The following RERE variants were observed in gnomAD, a reference collection of about 807,000 sequenced individuals.
RERE encodes the protein arginine-glutamic acid dipeptide repeats protein.
In RERE, 40 loss-of-function variants were observed where a neutral mutation model predicts 146.1. The ratio of observed to expected loss-of-function variants is 0.27; its 90% confidence interval spans 0.21 to 0.36. RERE has a LOEUF of 0.36. Among genes scored for constraint, RERE ranks in the 10% least tolerant of loss-of-function variants. RERE has a pLI of 1.00. For missense variants in RERE, 1,933 were observed against 2,138.7 expected, an observed-to-expected ratio of 0.90 and a Z score of 1.90; for synonymous variants, 1,003 against 866.0, an observed-to-expected ratio of 1.16 and a Z score of -2.78.
chr1:8,518,488 G>A (rs1645449825), intron 7 of RERE, among the ~76,000 whole-genome samples: 1 of 152,198 alleles, frequency 6.6e-6, no homozygotes, highest in Non-Finnish European at 1.5e-5. Flanking sequence ...GACTGACATG[G>A]CATCAACAGA....
intron 13 of RERE, among the ~76,000 whole-genome samples, chr1:8,365,198 C>T (rs1411676692): frequency 1.4e-4 from 21 of 152,222 alleles, no homozygotes; most frequent in Admixed American, 1.1e-3. Context: ...CTTCACCGAG[C>T]GCCCCCAACC....
At chr1:8,603,262 G>C (rs1646656187) in intron 4 of RERE, among the ~76,000 whole-genome samples, 1 of 152,248 alleles carries the variant, frequency 6.6e-6, no homozygotes. Context: ...AAATAAACAA[G>C]ATGGCCTCAA....
chr1:8,377,779 C>T (rs892652590), intron 12 of RERE, among the ~76,000 whole-genome samples: 3 of 151,926 alleles, frequency 2.0e-5, no homozygotes, highest in Admixed American at 6.6e-5. Flanking sequence ...GGGAGCGGGA[C>T]GAACGATGAA....
intron 11 of RERE, among the ~76,000 whole-genome samples, chr1:8,455,291 G>A (rs1644441178): frequency 6.6e-6 from 1 of 151,998 alleles, no homozygotes; most frequent in South Asian, 2.1e-4. Flanking sequence ...ACCCAGGCTG[G>A]AGTGCAGTGG....
In RERE at chr1:8,364,384, CAACA is replaced by C. The variant is rs1167185025; in HGVS notation, c.1541-133_1541-130del. The C allele has an allele frequency of 3.7e-6, 3 of 809,204 alleles. No individual in the cohort carries two copies. In the Admixed American group the frequency reaches 6.2e-5, roughly 17 times the overall value. The allele number at this position is 809,204 out of a possible 1,614,324, so 50.1% of individuals were successfully genotyped here. On this transcript the variant is annotated intron_variant, in intron 14 of 22. Transcript: ENST00000400908. This position sits in a 1 kb window ranked among gnomAD's most constrained non-coding sequence, Gnocchi z 5.1. ...ACCAGCACCATGCAGCCCTGGGCCC[CAACA>C]CCCCAGGGCTAGTGCTGCCCTGCTC...
At chr1:8,429,050 A>ATT (rs1644057066) in intron 11 of RERE, among the ~76,000 whole-genome samples, 3 of 152,196 alleles carry the variant, frequency 2.0e-5, no homozygotes, top group Non-Finnish European at 4.4e-5. Context: ...TCATGGTATG[A>ATT]GAAAGGCAGG....
At chr1:8,564,868 GTGTATATA>G (rs1324207208) in intron 4 of RERE, among the ~76,000 whole-genome samples, 39 of 124,550 alleles carry the variant, frequency 3.1e-4, no homozygotes, top group African/African-American at 1.4e-3. Flanking sequence ...GTGTGTGTGT[GTGTATATA>G]TATATATAAA....
intron 12 of RERE, among the ~76,000 whole-genome samples, chr1:8,383,257 G>A (rs1642517748): frequency 6.6e-6 from 1 of 151,574 alleles, no homozygotes; most frequent in Non-Finnish European, 1.5e-5. Context: ...ACAGCCCACT[G>A]AGGCCACCTA....
chr1:8,687,209 T>C (rs866235792), intron 1 of RERE, among the ~76,000 whole-genome samples: 55 of 152,098 alleles, frequency 3.6e-4, no homozygotes, highest in Admixed American at 6.5e-4. Flanking sequence ...AGACAGGAAA[T>C]TACTATGTGA....
intron 11 of RERE, among the ~76,000 whole-genome samples, chr1:8,431,123 G>A (rs988452410): frequency 2.0e-5 from 3 of 152,098 alleles, no homozygotes; most frequent in Admixed American, 6.6e-5. Flanking sequence ...TTAAGACGGG[G>A]GTCTCCAGTC....
chr1:8,777,300 T>C (rs1641082084), intron 1 of RERE, among the ~76,000 whole-genome samples: 1 of 152,142 alleles, frequency 6.6e-6, no homozygotes, highest in South Asian at 2.1e-4. Context: ...TACTATCAAG[T>C]GTCATCAAAT....
chr1:8,554,512 G>C (rs6577500), intron 6 of RERE, among the ~76,000 whole-genome samples: 123,478 of 151,598 alleles, frequency 0.81, 50,535 homozygotes, highest in East Asian at 0.95. Context: ...GATGGTAAAA[G>C]CTCATCTCTA....
chr1:8,422,794 T>C lies in RERE; in HGVS notation c.1217A>G (p.Lys406Arg), dbSNP rs1412550154. The C allele has an allele frequency of 6.2e-7, 1 of 1,613,596 alleles. No homozygotes were observed. The highest frequency in any genetic ancestry group is 1.7e-5 in the Admixed American group (1 of 60,026). Residue 406 changes from lysine to arginine, a missense_variant, in exon 12 of 23, where the codon AAG becomes AGG. Coordinates refer to ENST00000400908, the MANE Select transcript of RERE (RefSeq NM_001042681.2). Reference sequence around the variant, plus strand: ...GTTCTTCCCGTACTGCCTGAGTCCCTTAACGAAGCGTTTCTGTGATAAAAA... The same window carrying C: ...GTTCTTCCCGTACTGCCTGAGTCCCCTAACGAAGCGTTTCTGTGATAAAAA... ...WTEDEVKRFV[K>R]GLRQYGKNFF...
chr1:8,559,280 C>CAAAAAAAAAAAAAAAAAAAAA lies in RERE; in HGVS notation c.523-1778_523-1758dup, dbSNP rs548075266. Among the ~76,000 whole-genome samples, 57 of 12,066 alleles carry CAAAAAAAAAAAAAAAAAAAAA rather than the reference C, an allele frequency of 4.7e-3. 4 individuals are homozygous for CAAAAAAAAAAAAAAAAAAAAA. Among genetic ancestry groups the CAAAAAAAAAAAAAAAAAAAAA allele is most frequent in the Non-Finnish European group, 6.3e-3 (39 of 6,216 alleles). 7.9% of individuals were successfully genotyped at this position (12,066 alleles called of 152,430 possible). A position where few individuals can be genotyped will look rare whatever the true frequency, so the allele number is the denominator to read the frequency against. ...GGGCAACAAGAGCAAAACTCCAGCT[C>CAAAAAAAAAAAAAAAAAAAAA]AAAAAAAAAAAAAAAAAAAAAAAAC... On this transcript the variant is annotated intron_variant, in intron 4 of 22. Transcript: ENST00000400908.
rs1002241852 is a variant in RERE at position 8,473,330 on chromosome 1, C to T, written c.1105-7307G>A. Among the ~76,000 whole-genome samples, 3 of 152,294 alleles carry T rather than the reference C, an allele frequency of 2.0e-5. No individual in the cohort carries two copies. In the South Asian group the frequency reaches 6.2e-4, roughly 32 times the overall value. ...GGCTGCTCACACCATACTCTCTTTG[C>T]TTCCATTCATTCAACCAAGAGGTAC... On this transcript the variant is annotated intron_variant, in intron 10 of 22. Transcript: ENST00000400908.
chr1:8,788,524 C>T (rs1042675942), intron 1 of RERE, among the ~76,000 whole-genome samples: 6 of 151,962 alleles, frequency 3.9e-5, no homozygotes, highest in African/African-American at 7.2e-5. Flanking sequence ...GCCACCACAC[C>T]CAGCTAATTT....
intron 12 of RERE, among the ~76,000 whole-genome samples, chr1:8,394,748 G>GA (rs1314807452): frequency 6.6e-6 from 1 of 151,936 alleles, no homozygotes; most frequent in East Asian, 1.9e-4. Flanking sequence ...AAGGAAATAA[G>GA]AAAAAAATAC....
intron 1 of RERE, among the ~76,000 whole-genome samples, chr1:8,712,570 G>T (rs2124460132): frequency 6.6e-6 from 1 of 152,292 alleles, no homozygotes; most frequent in East Asian, 1.9e-4. Context: ...AATCTCTCCA[G>T]AATAGGGCAG....
intron 2 of RERE, among the ~76,000 whole-genome samples, chr1:8,629,929 G>T (rs185532771): frequency 2.6e-5 from 4 of 152,152 alleles, no homozygotes; most frequent in South Asian, 4.1e-4. Context: ...TTCTCACAAA[G>T]AGATTTCTCA....
Sources: allele counts gnomAD v4.1 joint callset (sites outside exome capture counted in the v4.1 genomes callset), GRCh38; gene constraint gnomAD v4.1.1; non-coding constraint Gnocchi (gnomAD v3.1); transcripts MANE v1.5; gene names NCBI Gene and HGNC (gene_info 2026-07-23, HGNC 2026-07-21).